The following TTC8 variants were observed in gnomAD, a reference collection of about 807,000 sequenced individuals.
TTC8 encodes tetratricopeptide repeat domain 8, also known as tetratricopeptide repeat protein 8.
Under a neutral mutation model 72.5 loss-of-function variants are expected in TTC8, and 47 were observed. The ratio of observed to expected loss-of-function variants is 0.65; its 90% confidence interval spans 0.51 to 0.83. TTC8 has a LOEUF of 0.83. TTC8 is among the 40% of genes least tolerant of loss of function. TTC8 has a pLI of 0.00. For missense variants in TTC8, 611 were observed against 623.2 expected (o/e 0.98, Z 0.21); for synonymous variants, 199 against 221.4 (o/e 0.90, Z 0.90).
At chr14:88,834,993 T>A (rs2094743879) in intron 2 of TTC8, among the ~76,000 whole-genome samples, 1 of 152,230 alleles carries the variant, frequency 6.6e-6, no homozygotes, top group Non-Finnish European at 1.5e-5. Flanking sequence ...CTTTTGGCCT[T>A]ACTATTTCCA....
downstream of TTC8, chr14:88,879,397 C>T (rs1255258350): frequency 6.6e-6 from 1 of 152,152 alleles, no homozygotes; most frequent in Non-Finnish European, 1.5e-5. Flanking sequence ...ATACAAATTG[C>T]TCAACCAAAA....
rs771465345 is a variant in TTC8, at chr14:88,877,331, A to G, written c.1469A>G (p.Lys490Arg). 6 of 1,613,688 alleles carry G rather than the reference A, an allele frequency of 3.7e-6. No homozygotes were observed. The African/African-American group carries it at 8.0e-5, about 22-fold the overall frequency. ...DLQRSYVAAQ[K>R]SEAAFPDHVD... The stretch of plus-strand genomic sequence containing the variant: ...CAGAGAAGCTATGTTGCTGCGCAGA[A>G]GTCTGAAGCAGCATTTCCAGACCAT... The change falls in exon 15 of 15, where the codon AAG (lysine) becomes AGG (arginine). Residue 490 changes from lysine (K) to arginine (R), a missense_variant. Physicochemically the swap from Lys to Arg is conservative, Grantham distance 26. Transcript: ENST00000380656.
chr14:88,877,557 C>T lies in TTC8; in HGVS notation c.*147C>T. 1.5e-6 allele frequency: 1 copy of T among 667,240 alleles called. No individual in the cohort carries two copies. The highest frequency in any genetic ancestry group is 2.7e-6 in the Non-Finnish European group (1 of 369,918). The allele number at this position is 667,240 out of a possible 1,614,324, so 41.3% of individuals were successfully genotyped here. The stretch of plus-strand genomic sequence containing the variant: ...TAGTTAAGGTGACACATAAGGGTGA[C>T]ACAGAATGTGTAATGCAAATTTCAT... On this transcript the variant is annotated 3_prime_UTR_variant, in exon 15 of 15. Coordinates refer to ENST00000380656, the MANE Select transcript of TTC8 (RefSeq NM_144596.4).
chr14:88,867,036 A>G (rs2141027449), intron 10 of TTC8, among the ~76,000 whole-genome samples: 1 of 152,366 alleles, frequency 6.6e-6, no homozygotes, highest in Admixed American at 6.5e-5. Flanking sequence ...ACTCAATCAG[A>G]TCAGCAAAGA....
At position 88,877,923 on chromosome 14, in the gene TTC8, T is replaced by C. The variant is rs910851615; in HGVS notation, c.*513T>C. The C allele has an allele frequency of 2.6e-5, 4 of 152,248 alleles. No homozygotes were observed. The highest frequency in any genetic ancestry group is 9.6e-5 in the African/African-American group (4 of 41,470). The allele number at this position is 152,248 out of a possible 1,614,324, so 9.4% of individuals were successfully genotyped here. A position where few individuals can be genotyped will look rare whatever the true frequency, so the allele number is the denominator to read the frequency against. On this transcript the variant is annotated 3_prime_UTR_variant, in exon 15 of 15. Transcript: ENST00000380656. ...AAGACTTTAAAAATGTATTTAAAAC[T>C]ATTTTTTATTAAATACTTTGTGATT...
rs550125893 is a variant in TTC8, at chr14:88,832,046, C to T, written c.115-1647C>T. 2.6e-5 allele frequency among the ~76,000 whole-genome samples: 4 copies of T among 152,260 alleles called. No individual in the cohort carries two copies. In the South Asian group the frequency reaches 8.3e-4, roughly 32 times the overall value. ...CTTAGGCCTGGTCTCCATTTTCCTT[C>T]AATGCAATCCCTCACCTGTCTCTGC... is the stretch of plus-strand genomic sequence containing the variant. On this transcript the variant is annotated intron_variant, in intron 1 of 14. Coordinates refer to ENST00000380656, the MANE Select transcript of TTC8 (RefSeq NM_144596.4).
intron 7 of TTC8, chr14:88,846,651 G>C (rs1451813161): frequency 2.1e-6 from 3 of 1,455,494 alleles, no homozygotes; most frequent in Non-Finnish European, 1.9e-6. Flanking sequence ...TCTTATTGAG[G>C]AATAAAAATC....
chr14:88,829,213 T>G (rs1171120157), intron 1 of TTC8, among the ~76,000 whole-genome samples: 1 of 152,206 alleles, frequency 6.6e-6, no homozygotes, highest in Non-Finnish European at 1.5e-5. Flanking sequence ...ATAATTTCCC[T>G]TTTTTGATTA....
chr14:88,871,506 A>G lies in TTC8; in HGVS notation c.1050-43A>G, dbSNP rs1435529524. On this transcript the variant is annotated intron_variant, in intron 11 of 14. Transcript: ENST00000380656. This position sits in a 1 kb window ranked among gnomAD's most constrained non-coding sequence, Gnocchi z 4.1. ...ATATATATATGTCTTAAAACTTACA[A>G]AGTTGGTCTGACACCAAAATTTGTG... 2 of 1,597,220 alleles carry G rather than the reference A, an allele frequency of 1.3e-6. No homozygotes were observed. Among genetic ancestry groups the G allele is most frequent in the Non-Finnish European group, 1.7e-6 (2 of 1,168,156 alleles).
chr14:88,851,456 A>T (rs1347583496), intron 7 of TTC8, among the ~76,000 whole-genome samples: 3 of 152,144 alleles, frequency 2.0e-5, no homozygotes, highest in Non-Finnish European at 4.4e-5. Context: ...GACATAAAAA[A>T]TTTTTGCATG....
chr14:88,833,026 A>G (rs912852541), intron 1 of TTC8, among the ~76,000 whole-genome samples: 2 of 152,220 alleles, frequency 1.3e-5, no homozygotes, highest in African/African-American at 4.8e-5. Context: ...TGTACCAAGA[A>G]TATATTCTTA....
At chr14:88,846,331 AAAAAG>A (rs549603607) in intron 7 of TTC8, among the ~76,000 whole-genome samples, 33 of 151,518 alleles carry the variant, frequency 2.2e-4, no homozygotes, top group South Asian at 2.1e-4. Context: ...TGTCTCAAAA[AAAAAG>A]AAAAGAAAAG....
chr14:88,853,488 T>C (rs2094842909), intron 8 of TTC8, among the ~76,000 whole-genome samples: 1 of 152,208 alleles, frequency 6.6e-6, no homozygotes, highest in African/African-American at 2.4e-5. Context: ...TCCTACATTA[T>C]ACCATTTCAC....
At chr14:88,854,595 G>C (rs1595961355) in intron 8 of TTC8, among the ~76,000 whole-genome samples, 1 of 152,242 alleles carries the variant, frequency 6.6e-6, no homozygotes, top group African/African-American at 2.4e-5. Flanking sequence ...GAGATATCTT[G>C]GGGATGGGAC....
At chr14:88,867,446 T>C (rs1004911909) in intron 10 of TTC8, among the ~76,000 whole-genome samples, 1 of 152,132 alleles carries the variant, frequency 6.6e-6, no homozygotes, top group Non-Finnish European at 1.5e-5. Context: ...TATAGAATGA[T>C]TCTGTTTATG....
At chr14:88,849,679 G>A (rs1479284769) in intron 7 of TTC8, among the ~76,000 whole-genome samples, 1 of 152,116 alleles carries the variant, frequency 6.6e-6, no homozygotes, top group East Asian at 1.9e-4. Context: ...CAGGGGACAC[G>A]TGGGCTGGTG....
Position 88,832,480 on chromosome 14 carries a change from T to C in TTC8, c.115-1213T>C, listed in dbSNP as rs541597197. ...CCTGCCTTACTATGTCCAACTCTCT[T>C]TTTTTTTTAATCTCCAAGAGGCACT... On this transcript the variant is annotated intron_variant, in intron 1 of 14. Coordinates refer to ENST00000380656, the MANE Select transcript of TTC8 (RefSeq NM_144596.4). Among the ~76,000 whole-genome samples, 48 of 150,690 alleles carry C rather than the reference T, an allele frequency of 3.2e-4. 1 individual carries two copies. Among genetic ancestry groups the C allele is most frequent in the South Asian group, 6.3e-4 (3 of 4,786 alleles).
At chr14:88,877,222 A>C (rs889526376) in intron 14 of TTC8, 72 bp from the exon 15 acceptor site, 2 of 1,152,186 alleles carry the variant, frequency 1.7e-6, no homozygotes, top group Admixed American at 1.8e-5. Context: ...ACTATGTCTT[A>C]TTTTCTTTTT....
intron 10 of TTC8, among the ~76,000 whole-genome samples, chr14:88,869,482 T>C (rs926743598): frequency 2.6e-5 from 4 of 152,052 alleles, no homozygotes; most frequent in Admixed American, 6.6e-5. Context: ...CCTCTCCTAA[T>C]GGATTTCTCT....
Sources: gnomAD v4.1 joint callset for allele counts (sites outside exome capture counted in the v4.1 genomes callset) on GRCh38, gnomAD v4.1.1 for gene constraint, Gnocchi (gnomAD v3.1) non-coding constraint, MANE v1.5 for transcripts, NCBI Gene and HGNC (gene_info 2026-07-23, HGNC 2026-07-21) for gene names.